FSTL5: variants seen among roughly 807,000 people sequenced by gnomAD.
FSTL5 encodes follistatin-related protein 5.
A neutral mutation model predicts 89.1 loss-of-function variants in FSTL5; 62 were observed. The ratio of observed to expected loss-of-function variants is 0.70; its 90% CI spans 0.57 to 0.86. The LOEUF is 0.86. Among genes scored for constraint, FSTL5 ranks in the 40% least tolerant of loss-of-function variants. The pLI, the probability that FSTL5 is intolerant of heterozygous loss-of-function variation, is 0.00. For synonymous variants in FSTL5, 383 were observed against 346.2 expected (o/e 1.11, Z -1.18); for missense variants, 1,057 against 1,001.6 (o/e 1.06, Z -0.75).
Position 161,400,594 on chromosome 4 carries a change from A to G in FSTL5, c.1842-14145T>C, listed in dbSNP as rs184590111. On this transcript the variant is annotated intron_variant, in intron 15 of 15. Coordinates refer to ENST00000306100, the MANE Select transcript of FSTL5 (RefSeq NM_020116.5). The stretch of plus-strand genomic sequence containing the variant: ...ATTTGTAAATAAAAAGATTCCTTAC[A>G]GTATAAATGAATCAATGAGGTAATG... 1.6e-3 allele frequency among the ~76,000 whole-genome samples: 244 copies of G among 152,222 alleles called. 2 individuals carry two copies. The highest frequency in any genetic ancestry group is 6.9e-3 in the East Asian group (36 of 5,180).
intron 6 of FSTL5, among the ~76,000 whole-genome samples, chr4:161,700,793 A>G (rs1738361763): frequency 6.6e-6 from 1 of 152,242 alleles, no homozygotes; most frequent in African/African-American, 2.4e-5. Context: ...ATTTATTTTA[A>G]TTGGTACATT....
At chr4:161,561,481 G>A (rs183933312) in intron 8 of FSTL5, among the ~76,000 whole-genome samples, 1 of 151,980 alleles carries the variant, frequency 6.6e-6, no homozygotes, top group Admixed American at 6.6e-5. Context: ...GCTGTTAATT[G>A]GCTCTGGGTT....
At chr4:161,546,955 G>A (rs1732028209) in intron 8 of FSTL5, among the ~76,000 whole-genome samples, 1 of 151,996 alleles carries the variant, frequency 6.6e-6, no homozygotes, top group Non-Finnish European at 1.5e-5. Flanking sequence ...TTAATGAACA[G>A]AGCTGTGGCA....
At chr4:161,801,206 A>G (rs1026965097) in intron 4 of FSTL5, among the ~76,000 whole-genome samples, 1 of 151,626 alleles carries the variant, frequency 6.6e-6, no homozygotes, top group Admixed American at 6.6e-5. Flanking sequence ...TAAGGGGGCA[A>G]GTAGTTCTGG....
At chr4:161,415,559 C>G (rs866805054) in intron 15 of FSTL5, among the ~76,000 whole-genome samples, 1 of 152,064 alleles carries the variant, frequency 6.6e-6, no homozygotes, top group East Asian at 1.9e-4. Flanking sequence ...TCGGCCGTCT[C>G]TTCACTTTTG....
chr4:161,393,285 G>A (rs949508597), intron 15 of FSTL5, among the ~76,000 whole-genome samples: 5 of 151,640 alleles, frequency 3.3e-5, no homozygotes, highest in African/African-American at 1.2e-4. Flanking sequence ...TGAAGAAACA[G>A]GTTTTGCATG....
chr4:161,403,303 TTGTG>T (rs923053638), intron 15 of FSTL5, among the ~76,000 whole-genome samples: 57 of 152,002 alleles, frequency 3.7e-4, no homozygotes, highest in Non-Finnish European at 1.3e-4. Context: ...AACACCATTT[TTGTG>T]TGTGTGTGTG....
intron 6 of FSTL5, among the ~76,000 whole-genome samples, chr4:161,717,093 GT>G (rs1739014467): frequency 6.6e-6 from 1 of 152,144 alleles, no homozygotes; most frequent in African/African-American, 2.4e-5. Context: ...TTAGATAATT[GT>G]TTTTGGTAGG....
chr4:161,428,130 G>C (rs1732226493), intron 15 of FSTL5, among the ~76,000 whole-genome samples: 2 of 152,110 alleles, frequency 1.3e-5, no homozygotes, highest in Non-Finnish European at 2.9e-5. Context: ...TGCTCTGTCA[G>C]AGCAGAAAGC....
chr4:161,897,276 A>G (rs1461349774), intron 4 of FSTL5, among the ~76,000 whole-genome samples: 7 of 151,878 alleles, frequency 4.6e-5, no homozygotes, highest in African/African-American at 1.7e-4. Flanking sequence ...AGAGATTTAT[A>G]TATTCTAATG....
chr4:162,078,337 G>A (rs1281481509), intron 2 of FSTL5, among the ~76,000 whole-genome samples: 1 of 151,776 alleles, frequency 6.6e-6, no homozygotes, highest in East Asian at 1.9e-4. Flanking sequence ...GAAATTCACT[G>A]GTCTTACCAT....
chr4:161,437,565 C>CAAAAAAAAAAAAAAAAAAAAAAAAAAAA lies in FSTL5; in HGVS notation c.1841+17438_1841+17439insTTTTTTTTTTTTTTTTTTTTTTTTTTTT, dbSNP rs56229701. Among the ~76,000 whole-genome samples the CAAAAAAAAAAAAAAAAAAAAAAAAAAAA allele has an allele frequency of 2.0e-3, 135 of 68,494 alleles. 10 individuals are homozygous for CAAAAAAAAAAAAAAAAAAAAAAAAAAAA. Among genetic ancestry groups the CAAAAAAAAAAAAAAAAAAAAAAAAAAAA allele is most frequent in the Middle Eastern group, 6.9e-3 (1 of 144 alleles). 44.9% of individuals were successfully genotyped at this position (68,494 alleles called of 152,430 possible). ...CTGGTGACAGAGTGAGACTCCGTCT[C>CAAAAAAAAAAAAAAAAAAAAAAAAAAAA]AAAAAAAAAAAAAAAAACGAGGTCA... On this transcript the variant is annotated intron_variant, in intron 15 of 15. Transcript: ENST00000306100.
At chr4:161,727,136 C>T (rs1301111179) in intron 6 of FSTL5, among the ~76,000 whole-genome samples, 2 of 152,136 alleles carry the variant, frequency 1.3e-5, no homozygotes, top group Non-Finnish European at 2.9e-5. Flanking sequence ...TGTGCTGCAT[C>T]AAATGTGAAA....
intron 6 of FSTL5, among the ~76,000 whole-genome samples, chr4:161,690,135 G>A (rs1737879846): frequency 6.6e-6 from 1 of 152,074 alleles, no homozygotes; most frequent in Admixed American, 6.5e-5. Context: ...ATTCTGTGGA[G>A]TAGAAGCCGA....
chr4:161,918,554 C>A (rs1254373644), intron 4 of FSTL5, among the ~76,000 whole-genome samples: 1 of 152,124 alleles, frequency 6.6e-6, no homozygotes, highest in Non-Finnish European at 1.5e-5. Flanking sequence ...TGCATCCTAT[C>A]CTGACATTGA....
chr4:161,871,420 A>G (rs1377887474), intron 4 of FSTL5, among the ~76,000 whole-genome samples: 4 of 152,076 alleles, frequency 2.6e-5, no homozygotes, highest in Non-Finnish European at 4.4e-5. Flanking sequence ...TCACATTTTT[A>G]TATGTCATGT....
chr4:161,789,137 A>C (rs1481716296), intron 4 of FSTL5, among the ~76,000 whole-genome samples: 3 of 152,098 alleles, frequency 2.0e-5, no homozygotes, highest in Non-Finnish European at 4.4e-5. Context: ...TAACACAAAA[A>C]TATATAGCTT....
At chr4:161,436,815 G>C (rs1732575097) in intron 15 of FSTL5, among the ~76,000 whole-genome samples, 1 of 152,094 alleles carries the variant, frequency 6.6e-6, no homozygotes, top group African/African-American at 2.4e-5. Context: ...TTGCAATAGA[G>C]AAAACAAAAG....
rs1741567291 is a variant in FSTL5, at chr4:161,779,780, T to TAC, written c.410-3707_410-3706insGT. 5.1e-4 allele frequency among the ~76,000 whole-genome samples: 22 copies of TAC among 42,770 alleles called. 2 individuals carry two copies. The South Asian group carries it at 0.011, about 21-fold the overall frequency. The allele number at this position is 42,770 out of a possible 152,430, so 28.1% of individuals were successfully genotyped here. On this transcript the variant is annotated intron_variant, in intron 4 of 15. Transcript: ENST00000306100. ...AAAGTTATATATATATATATGTATA[T>TAC]ATATATATATATATATATATATATA... is the stretch of plus-strand genomic sequence containing the variant.
Sources: allele counts gnomAD v4.1 joint callset (sites outside exome capture counted in the v4.1 genomes callset), GRCh38; gene constraint gnomAD v4.1.1; transcripts MANE v1.5; gene names NCBI Gene and HGNC (gene_info 2026-07-23, HGNC 2026-07-21).